Variants in ASMTL observed in about 807,000 individuals in gnomAD.
The protein encoded by ASMTL is probable bifunctional dTTP/UTP pyrophosphatase/methyltransferase protein.
Under a neutral mutation model 60.3 loss-of-function variants are expected in ASMTL, and 57 were observed. The observed-to-expected ratio is 0.95, with a 90% CI of 0.76 to 1.18. ASMTL has a LOEUF of 1.18. Ranked by LOEUF, ASMTL falls within the 50% of genes most tolerant of loss-of-function variation. The probability of loss-of-function intolerance (pLI) is 0.00; values close to 1 mark genes in which losing one functional copy is unlikely to be tolerated. For synonymous variants in ASMTL, 419 were observed against 373.0 expected (o/e 1.12, Z -1.42); for missense variants, 981 against 852.6 (o/e 1.15, Z -1.88).
chrX:1,416,100 C>A (rs1273279859), intron 11 of ASMTL, among the ~76,000 whole-genome samples: 1 of 150,432 alleles, frequency 6.6e-6, no homozygotes, highest in Admixed American at 6.6e-5. Context: ...CACGGACACA[C>A]AGTGATACAC....
chrX:1,418,765 G>C (rs2090388872), intron 10 of ASMTL, among the ~76,000 whole-genome samples: 1 of 152,124 alleles, frequency 6.6e-6, no homozygotes. Flanking sequence ...AGCCAAAAGA[G>C]AGGGCCCCGG....
Position 1,447,228 on chromosome X carries a change from T to G in ASMTL, c.94-4911A>C, listed in dbSNP as rs2091246286. Among the ~76,000 whole-genome samples the G allele has an allele frequency of 1.3e-5, 2 of 152,224 alleles. 1 individual carries two copies. Among genetic ancestry groups the G allele is most frequent in the South Asian group, 4.1e-4 (2 of 4,834 alleles). ...GAACACACCACCCCTCGTCCTGTTA[T>G]AACTAGAGGGTCTGGATTCACAGAG... On this transcript the variant is annotated intron_variant, in intron 1 of 12. Transcript: ENST00000381317.
Position 1,431,447 on chromosome X carries a change from GTA to G in ASMTL, c.509+820_509+821del, listed in dbSNP as rs1329753451. On this transcript the variant is annotated intron_variant, in intron 6 of 12. Coordinates refer to ENST00000381317, the MANE Select transcript of ASMTL (RefSeq NM_004192.4). ...ACCTATCATATAATCTATTATAACAGTATATATTATAATAGATGGTATATATT... is the reference window on the plus strand; with the variant it reads ...ACCTATCATATAATCTATTATAACAGTATATTATAATAGATGGTATATATT... Among the ~76,000 whole-genome samples, 799 of 134,218 alleles carry G rather than the reference GTA, an allele frequency of 6.0e-3. 10 individuals are homozygous for G. Among genetic ancestry groups the G allele is most frequent in the African/African-American group, 0.02 (753 of 36,742 alleles). 88.1% of individuals were successfully genotyped at this position (134,218 alleles called of 152,430 possible). A position where few individuals can be genotyped will look rare whatever the true frequency, so the allele number is the denominator to read the frequency against.
At chrX:1,431,097 A>C (rs1311840296) in intron 6 of ASMTL, among the ~76,000 whole-genome samples, 1 of 126,140 alleles carries the variant, frequency 7.9e-6, no homozygotes, top group African/African-American at 3.1e-5. Flanking sequence ...TATTATATAA[A>C]TATATAATTA....
At chrX:1,451,714 G>T (rs1271340820) in intron 1 of ASMTL, among the ~76,000 whole-genome samples, 1 of 146,772 alleles carries the variant, frequency 6.8e-6, no homozygotes, top group Non-Finnish European at 1.5e-5. Flanking sequence ...ATCCCTAGGG[G>T]TCCCGGGTTA....
chrX:1,414,040 T>A (rs1297991305), intron 11 of ASMTL: 2 of 151,502 alleles, frequency 1.3e-5, no homozygotes, highest in Non-Finnish European at 2.9e-5. Context: ...GATCTGGAGA[T>A]GGGATCATCC....
At chrX:1,435,164 G>C in intron 4 of ASMTL, 81 bp from the exon 5 acceptor site, 1 of 1,431,032 alleles carries the variant, frequency 7.0e-7, no homozygotes, top group Non-Finnish European at 9.9e-7. Flanking sequence ...AACCAGGGGA[G>C]GCAGCGAGGC....
intron 6 of ASMTL, among the ~76,000 whole-genome samples, chrX:1,430,971 A>G (rs2090757612): frequency 7.1e-6 from 1 of 140,120 alleles, no homozygotes; most frequent in Non-Finnish European, 1.5e-5. Flanking sequence ...TAATTAATAT[A>G]TAATTTACAT....
chrX:1,442,463 C>CCCAGCCACA, intron 1 of ASMTL, 146 bp from the exon 2 acceptor site: 3 of 942,116 alleles, frequency 3.2e-6, no homozygotes, highest in Non-Finnish European at 4.8e-6. Context: ...CCAAGCTTTC[C>CCCAGCCACA]CTAAGTGTGG....
At chrX:1,431,126 C>G (rs867734502) in intron 6 of ASMTL, among the ~76,000 whole-genome samples, 1 of 121,054 alleles carries the variant, frequency 8.3e-6, no homozygotes, top group Non-Finnish European at 1.6e-5. Context: ...AATATATAAT[C>G]ATTTTATAAT....
Position 1,403,973 on chromosome X carries a change from GC to G in ASMTL, c.1646-485del, listed in dbSNP as rs1409287850. On this transcript the variant is annotated intron_variant, in intron 12 of 12. Transcript: ENST00000381317. ...TAGATGAGTGGATGGACAGATGGAT[GC>G]ATGGATGTGATGGATGGATGGGTGA... Among the ~76,000 whole-genome samples the G allele has an allele frequency of 4.6e-3, 705 of 152,144 alleles. 5 individuals are homozygous for G. The highest frequency in any genetic ancestry group is 0.016 in the African/African-American group (668 of 41,466).
At chrX:1,430,627 C>A (rs780006603) in intron 6 of ASMTL, among the ~76,000 whole-genome samples, 52 of 151,548 alleles carry the variant, frequency 3.4e-4, no homozygotes, top group Non-Finnish European at 6.2e-4. Flanking sequence ...AAAAAATTAG[C>A]CAGGCGTGGT....
chrX:1,436,427 A>G (rs1471365591), intron 3 of ASMTL, among the ~76,000 whole-genome samples: 1 of 151,934 alleles, frequency 6.6e-6, no homozygotes, highest in Non-Finnish European at 1.5e-5. Flanking sequence ...ATCTCGGCTC[A>G]CTGCAAGCTC....
At chrX:1,420,435 G>A (rs191457168) in intron 9 of ASMTL, among the ~76,000 whole-genome samples, 5 of 152,146 alleles carry the variant, frequency 3.3e-5, no homozygotes, top group Non-Finnish European at 5.9e-5. Flanking sequence ...GGAAGCCCCC[G>A]GCTCCCTGGG....
At chrX:1,430,895 A>G (rs1302342194) in intron 6 of ASMTL, among the ~76,000 whole-genome samples, 1 of 143,956 alleles carries the variant, frequency 6.9e-6, no homozygotes, top group Non-Finnish European at 1.5e-5. Flanking sequence ...ATTTTATATA[A>G]TTATATATTT....
chrX:1,404,804 AGATG>A (rs746103157), intron 12 of ASMTL, among the ~76,000 whole-genome samples: 114 of 149,848 alleles, frequency 7.6e-4, no homozygotes, highest in Admixed American at 1.6e-3. Flanking sequence ...TGTATGGATG[AGATG>A]GATGGATGGG....
At chrX:1,418,946 G>T (rs377120381) in intron 10 of ASMTL, 36 bp downstream of exon 10, 1 of 1,610,966 alleles carries the variant, frequency 6.2e-7, no homozygotes, top group Non-Finnish European at 8.5e-7. Context: ...CTTAATAAAC[G>T]AAAGTAAGGA....
At chrX:1,447,628 C>A (rs1319270811) in intron 1 of ASMTL, among the ~76,000 whole-genome samples, 4 of 148,112 alleles carry the variant, frequency 2.7e-5, no homozygotes, top group South Asian at 4.4e-4. Context: ...CTTGGATAAG[C>A]ACCACCATCT....
intron 3 of ASMTL, among the ~76,000 whole-genome samples, chrX:1,436,323 A>G (rs187124932): frequency 0.057 from 8,543 of 150,528 alleles, 691 homozygotes; most frequent in African/African-American, 0.2. Flanking sequence ...ACAGGTGCAC[A>G]CCACCATGCC....
Sources: allele counts gnomAD v4.1 joint callset (sites outside exome capture counted in the v4.1 genomes callset), GRCh38; gene constraint gnomAD v4.1.1; transcripts MANE v1.5; gene names NCBI Gene and HGNC (gene_info 2026-07-23, HGNC 2026-07-21).